The following RNF19A variants were observed in gnomAD, a reference collection of about 807,000 sequenced individuals.
RNF19A encodes E3 ubiquitin-protein ligase RNF19A.
RNF19A carries 32 observed loss-of-function variants against 75.7 expected under a neutral mutation model. The ratio of observed to expected loss-of-function variants is 0.42; its 90% confidence interval spans 0.32 to 0.57. The LOEUF (loss-of-function observed/expected upper bound fraction) is 0.57. Among genes scored for constraint, RNF19A ranks in the 20% least tolerant of loss-of-function variants. The pLI is 0.10. For synonymous variants in RNF19A, 335 were observed against 345.2 expected (o/e 0.97, Z 0.33); for missense variants, 782 against 1,036.3 (o/e 0.75, Z 3.37).
chr8:100,289,612 GGAT>G (rs1253649751), intron 1 of RNF19A, among the ~76,000 whole-genome samples: 1 of 152,118 alleles, frequency 6.6e-6, no homozygotes, highest in Non-Finnish European at 1.5e-5. Context: ...ACACCTAATA[GGAT>G]GGCTAAAATT....
chr8:100,265,334 C>T lies in RNF19A; in HGVS notation c.1192-549G>A, dbSNP rs372430260. On this transcript the variant is annotated intron_variant, in intron 5 of 9. Coordinates refer to ENST00000341084, the MANE Select transcript of RNF19A (RefSeq NM_183419.4). ...CAATATTGACAAATGACTCAAATTC[C>T]AGGGCTCTCATTTATAGCTCAAAGT... Among the ~76,000 whole-genome samples, 28 of 152,064 alleles carry T rather than the reference C, an allele frequency of 1.8e-4. No individual in the cohort carries two copies. In the East Asian group the frequency reaches 4.2e-3, roughly 23 times the overall value.
chr8:100,281,962 T>A (rs1465866560), intron 2 of RNF19A, among the ~76,000 whole-genome samples: 1 of 152,162 alleles, frequency 6.6e-6, no homozygotes, highest in Non-Finnish European at 1.5e-5. Flanking sequence ...CTGGTTCCCT[T>A]TTTTAGGATT....
chr8:100,274,836 T>C (rs1820425082), intron 3 of RNF19A, 117 bp downstream of exon 3: 2 of 723,184 alleles, frequency 2.8e-6, no homozygotes, highest in South Asian at 3.8e-5. Flanking sequence ...GGGATAGAAA[T>C]GCACTTAAAA....
rs139330248 is a variant in RNF19A at position 100,334,840 on chromosome 8, T to C, written c.-243+1268A>G. 2.5e-3 allele frequency among the ~76,000 whole-genome samples: 376 copies of C among 152,324 alleles called. 1 individual carries two copies. Among genetic ancestry groups the C allele is most frequent in the African/African-American group, 8.8e-3 (366 of 41,576 alleles). ...CTTTGACATCAGCTATAGCCTTTGT[T>C]GTATTTCAAAGGTGTTTACCTTCAA... On this transcript the variant is annotated intron_variant, in intron 1 of 3. Coordinates refer to the RNF19A transcript ENST00000519527.
intron 1 of RNF19A, among the ~76,000 whole-genome samples, chr8:100,290,068 G>A (rs1461851667): frequency 2.6e-5 from 4 of 152,172 alleles, no homozygotes; most frequent in Admixed American, 2.6e-4. Context: ...AATGTACAAT[G>A]TTAGGAGTCA....
At chr8:100,315,395 G>C (rs980224515) in intron 1 of RNF19A, among the ~76,000 whole-genome samples, 4 of 151,036 alleles carry the variant, frequency 2.6e-5, no homozygotes, top group South Asian at 4.1e-4. Context: ...TGTTTCACTG[G>C]GGGGGAAAAA....
At chr8:100,303,264 A>G (rs550763999) in intron 1 of RNF19A, 3 of 152,340 alleles carry the variant, frequency 2.0e-5, no homozygotes, top group Admixed American at 6.5e-5. Flanking sequence ...GACTATAAGC[A>G]TTCCTCGGCT....
Position 100,264,222 on chromosome 8 carries a change from C to T in RNF19A, c.1307-27G>A. The T allele has an allele frequency of 1.3e-6, 2 of 1,551,872 alleles. No individual in the cohort carries two copies. The highest frequency in any genetic ancestry group is 1.8e-6 in the Non-Finnish European group (2 of 1,136,694). On this transcript the variant is annotated intron_variant, in intron 6 of 9. Transcript: ENST00000341084. The surrounding 1 kb of genome is among the most constrained non-coding windows in gnomAD (Gnocchi z 4.7). ...TAAAGAGAAATTAAATCAGTCATTA[C>T]AAACAACAACAACAAAATAACTCAC...
chr8:100,321,667 T>C (rs993109351), intron 1 of RNF19A, among the ~76,000 whole-genome samples: 2 of 152,250 alleles, frequency 1.3e-5, no homozygotes, highest in African/African-American at 4.8e-5. Context: ...GGAATCACTA[T>C]CTATGGAAGC....
chr8:100,335,198 A>C (rs990754387), intron 1 of RNF19A, among the ~76,000 whole-genome samples: 3 of 152,258 alleles, frequency 2.0e-5, no homozygotes, highest in African/African-American at 7.2e-5. Flanking sequence ...AAGAACAACA[A>C]AACAACAACA....
chr8:100,266,037 G>C lies in RNF19A; in HGVS notation c.1192-1252C>G, dbSNP rs59453379. Among the ~76,000 whole-genome samples, 435 of 152,338 alleles carry C rather than the reference G, an allele frequency of 2.9e-3. 5 individuals carry two copies. The highest frequency in any genetic ancestry group is 0.01 in the African/African-American group (419 of 41,584). On this transcript the variant is annotated intron_variant, in intron 5 of 9. Transcript: ENST00000341084. The stretch of plus-strand genomic sequence containing the variant: ...CAGACTTGCAAAGGCAGGCTGCCAA[G>C]AGAAAGGAGTCTTCTAGAAAATTTT...
At chr8:100,273,617 T>G (rs1039007180) in intron 3 of RNF19A, among the ~76,000 whole-genome samples, 5 of 152,194 alleles carry the variant, frequency 3.3e-5, no homozygotes, top group African/African-American at 1.2e-4. Flanking sequence ...AAGCCATTTC[T>G]GTCGTTTTTT....
intron 1 of RNF19A, among the ~76,000 whole-genome samples, chr8:100,305,255 C>T (rs538615578): frequency 5.9e-5 from 9 of 152,112 alleles, no homozygotes; most frequent in Non-Finnish European, 1.0e-4. Context: ...TCATTTTGTG[C>T]GGAGATGTAA....
In RNF19A at chr8:100,268,956, A is replaced by G. The variant is rs1174023035; in HGVS notation, c.1029-9T>C. 5.1e-6 allele frequency: 8 copies of G among 1,565,964 alleles called. No homozygotes were observed. The highest frequency in any genetic ancestry group is 1.7e-4 in the Middle Eastern group (1 of 5,854). On this transcript the variant is annotated splice_polypyrimidine_tract_variant and intron_variant, in intron 4 of 9. Transcript: ENST00000341084. ...AAGTACATCCTGATGGACTAACGGA[A>G]AAAATTATAATGTAAATAACTGCTG... is the stretch of plus-strand genomic sequence containing the variant.
At chr8:100,271,709 T>A (rs1364229334) in intron 3 of RNF19A, among the ~76,000 whole-genome samples, 1 of 152,238 alleles carries the variant, frequency 6.6e-6, no homozygotes, top group Non-Finnish European at 1.5e-5. Flanking sequence ...CCCATATCTT[T>A]CACTCTCTGT....
intron 2 of RNF19A, among the ~76,000 whole-genome samples, chr8:100,277,987 C>A (rs1384323387): frequency 6.6e-6 from 1 of 152,204 alleles, no homozygotes; most frequent in East Asian, 1.9e-4. Context: ...AAACTGTTTT[C>A]TGAAGTTGGT....
At chr8:100,279,390 T>C (rs926535731) in intron 2 of RNF19A, among the ~76,000 whole-genome samples, 1 of 152,162 alleles carries the variant, frequency 6.6e-6, no homozygotes, top group East Asian at 1.9e-4. Flanking sequence ...GTTTTGTTTT[T>C]TTAAGCAGAA....
chr8:100,288,352 G>T, intron 1 of RNF19A, 85 bp from the exon 2 acceptor site: 2 of 954,568 alleles, frequency 2.1e-6, no homozygotes, highest in Non-Finnish European at 2.8e-6. Flanking sequence ...TTTCAAACAA[G>T]TATGTTTCTT....
In RNF19A at chr8:100,264,831, T is replaced by C; in HGVS notation, c.1192-46A>G. 1 of 1,348,898 alleles carries C rather than the reference T, an allele frequency of 7.4e-7. No individual in the cohort carries two copies. The highest frequency in any genetic ancestry group is 1.2e-5 in the South Asian group (1 of 84,502). The allele number at this position is 1,348,898 out of a possible 1,614,324, so 83.6% of individuals were successfully genotyped here. ...GGTGGGGGATTAAAGAGAAAATACATTACAATTTAACTTAGTTGAAAAAGA... is the reference window on the plus strand; with the variant it reads ...GGTGGGGGATTAAAGAGAAAATACACTACAATTTAACTTAGTTGAAAAAGA... On this transcript the variant is annotated intron_variant, in intron 5 of 9. Transcript: ENST00000341084. This position sits in a 1 kb window ranked among gnomAD's most constrained non-coding sequence, Gnocchi z 4.7.
Sources: allele counts gnomAD v4.1 joint callset (sites outside exome capture counted in the v4.1 genomes callset), GRCh38; gene constraint gnomAD v4.1.1; non-coding constraint Gnocchi (gnomAD v3.1); transcripts MANE v1.5; gene names NCBI Gene and HGNC (gene_info 2026-07-23, HGNC 2026-07-21).